The following KMT2C variants were observed in gnomAD, a reference collection of about 807,000 sequenced individuals.
KMT2C encodes lysine methyltransferase 2C.
In KMT2C, 88 loss-of-function variants were observed where a neutral mutation model predicts 507.9. The ratio of observed to expected loss-of-function variants is 0.17; its 90% CI spans 0.15 to 0.21. The LOEUF (loss-of-function observed/expected upper bound fraction) is 0.21. Ranked by LOEUF, KMT2C falls within the 10% of genes least tolerant of loss-of-function variation. KMT2C has a pLI of 1.00. For missense variants in KMT2C, 4,954 were observed against 5,957.8 expected, an observed-to-expected ratio of 0.83 and a Z score of 5.55; for synonymous variants, 2,049 against 2,080.8, an observed-to-expected ratio of 0.98 and a Z score of 0.42.
chr7:152,151,766 TAAAG>T (rs763906367), intron 49 of KMT2C, among the ~76,000 whole-genome samples, 185 bp from the exon 50 acceptor site: 3 of 151,530 alleles, frequency 2.0e-5, no homozygotes, highest in Non-Finnish European at 4.4e-5. Context: ...AGGGCAAAAA[TAAAG>T]AAACATGCCT....
chr7:152,261,009 G>C lies in KMT2C; in HGVS notation c.1299+2007C>G, dbSNP rs550375776. ...CAGGAAGTAAAAGAAGAGAAAAGTAGAAAGGAATTATAAGAACAATTTTGC... is the reference window on the plus strand; with the variant it reads ...CAGGAAGTAAAAGAAGAGAAAAGTACAAAGGAATTATAAGAACAATTTTGC... On this transcript the variant is annotated intron_variant, in intron 9 of 58. Coordinates refer to ENST00000262189, the MANE Select transcript of KMT2C (RefSeq NM_170606.3). 2.6e-5 allele frequency among the ~76,000 whole-genome samples: 4 copies of C among 150,956 alleles called. No individual in the cohort carries two copies. In the South Asian group the frequency reaches 8.4e-4, roughly 32 times the overall value.
At chr7:152,253,104 C>T (rs995556103) in intron 9 of KMT2C, among the ~76,000 whole-genome samples, 1 of 152,118 alleles carries the variant, frequency 6.6e-6, no homozygotes, top group African/African-American at 2.4e-5. Context: ...ATCTGCCTGC[C>T]TCAGCCTCCC....
intron 2 of KMT2C, among the ~76,000 whole-genome samples, chr7:152,335,958 T>C (rs1204717735): frequency 1.3e-5 from 2 of 152,136 alleles, no homozygotes; most frequent in East Asian, 3.9e-4. Context: ...GCACCAGATC[T>C]GATCCCATAA....
intron 1 of KMT2C, among the ~76,000 whole-genome samples, chr7:152,400,588 G>C (rs1296931451): frequency 6.6e-6 from 1 of 152,106 alleles, no homozygotes; most frequent in Non-Finnish European, 1.5e-5. Flanking sequence ...AAACTCTGAG[G>C]GAAAACAATT....
chr7:152,398,799 ACTGTAAAAGG>A (rs1028098419), intron 1 of KMT2C, among the ~76,000 whole-genome samples: 3 of 152,130 alleles, frequency 2.0e-5, no homozygotes, highest in African/African-American at 7.2e-5. Flanking sequence ...TCTTCCACAT[ACTGTAAAAGG>A]CTTAACACAC....
chr7:152,368,658 T>G, intron 1 of KMT2C: 5 of 1,453,056 alleles, frequency 3.4e-6, no homozygotes, highest in Non-Finnish European at 4.8e-6. Context: ...GGAAGATCTT[T>G]TAAACTCTCT....
At chr7:152,275,705 T>C (rs2096068612) in intron 6 of KMT2C, among the ~76,000 whole-genome samples, 1 of 152,162 alleles carries the variant, frequency 6.6e-6, no homozygotes, top group Non-Finnish European at 1.5e-5. Flanking sequence ...CAGAATTAAC[T>C]ACAAATACAA....
chr7:152,363,841 C>T (rs2097215454), intron 1 of KMT2C, among the ~76,000 whole-genome samples: 1 of 152,170 alleles, frequency 6.6e-6, no homozygotes, highest in African/African-American at 2.4e-5. Flanking sequence ...TGTGAAATCC[C>T]AGAAGACTGA....
chr7:152,302,063 G>A (rs376796936), intron 6 of KMT2C, among the ~76,000 whole-genome samples: 1 of 151,704 alleles, frequency 6.6e-6, no homozygotes, highest in Admixed American at 6.6e-5. Flanking sequence ...TATTAAAAAC[G>A]TACAACTCTT....
Position 152,148,318 on chromosome 7 carries a change from TAGC to T in KMT2C, c.13606_13608del (p.Ala4536del). The T allele has an allele frequency of 6.2e-7, 1 of 1,614,278 alleles. No homozygotes were observed. The highest frequency in any genetic ancestry group is 8.5e-7 in the Non-Finnish European group (1 of 1,180,054). On this transcript the variant is annotated inframe_deletion, in exon 52 of 59. Coordinates refer to ENST00000262189, the MANE Select transcript of KMT2C (RefSeq NM_170606.3). This position sits in a 1 kb window ranked among gnomAD's most constrained non-coding sequence, Gnocchi z 7.1. ...TCCCGTTCTCCTCGTTGCACGATGCTAGCAATCTGTCGCACCTCATCACGCTGA... is the reference window on the plus strand; with the variant it reads ...TCCCGTTCTCCTCGTTGCACGATGCTAATCTGTCGCACCTCATCACGCTGA...
chr7:152,281,588 T>C (rs370934713), intron 6 of KMT2C, among the ~76,000 whole-genome samples: 149 of 144,164 alleles, frequency 1.0e-3, no homozygotes, highest in Middle Eastern at 3.5e-3. Flanking sequence ...AAAAATTAGC[T>C]GGGCCTGGTG....
At position 152,156,225 on chromosome 7, in the gene KMT2C, C is replaced by T; in HGVS notation, c.11792G>A (p.Gly3931Glu). ...ATTEELAGKA[G>E]VLVSHEVTKT... Reference sequence around the variant, plus strand: ...CATACCTTCATGGCTCACTAACACTCCGGCTTTTCCAGCAAGTTCTTCAGT... The same window carrying T: ...CATACCTTCATGGCTCACTAACACTTCGGCTTTTCCAGCAAGTTCTTCAGT... Residue 3931 changes from glycine (G) to glutamate (E), a missense_variant, in exon 45 of 59, where the codon GGA (glycine) becomes GAA (glutamate). By Grantham distance (98) the Gly-to-Glu change is moderately conservative (BLOSUM62 -2). Around this residue, in one of 29 missense-constraint regions of KMT2C, gnomAD observed 104 missense variants for 134.3 expected, o/e 0.77. Transcript: ENST00000262189. The T allele has an allele frequency of 6.2e-7, 1 of 1,614,124 alleles. No homozygotes were observed. The highest frequency in any genetic ancestry group is 8.5e-7 in the Non-Finnish European group (1 of 1,180,016).
intron 23 of KMT2C, chr7:152,220,020 A>G (rs1053733321): frequency 6.4e-6 from 1 of 155,720 alleles, no homozygotes; most frequent in African/African-American, 2.4e-5. Flanking sequence ...AAAAAAAAAA[A>G]AAGAATTCAG....
At chr7:152,250,004 A>T (rs975911773) in intron 12 of KMT2C, 51 bp from the exon 13 acceptor site, 3 of 1,064,362 alleles carry the variant, frequency 2.8e-6, no homozygotes, top group Non-Finnish European at 1.5e-6. Context: ...TTTCTGTAAC[A>T]CTGTTCCCTC....
At chr7:152,207,751 C>T (rs2129138924) in intron 23 of KMT2C, among the ~76,000 whole-genome samples, 1 of 152,284 alleles carries the variant, frequency 6.6e-6, no homozygotes, top group African/African-American at 2.4e-5. Context: ...GACTAGAACT[C>T]TCTTCTGAGC....
In KMT2C at chr7:152,191,130, TTAA is replaced by T. The variant is rs761000601; in HGVS notation, c.4660+2876_4660+2878del. ...TATACTCTACTGGCAGTATATTCTC[TTAA>T]TAAATCTCATCCTTCCCACATGTGC... On this transcript the variant is annotated intron_variant, in intron 31 of 58. Transcript: ENST00000262189. Among the ~76,000 whole-genome samples, 7 of 152,350 alleles carry T rather than the reference TTAA, an allele frequency of 4.6e-5. No homozygotes were observed. In the East Asian group the frequency reaches 1.3e-3, roughly 29 times the overall value.
intron 9 of KMT2C, among the ~76,000 whole-genome samples, chr7:152,255,680 C>T (rs971901092): frequency 6.6e-6 from 1 of 152,092 alleles, no homozygotes; most frequent in East Asian, 1.9e-4. Flanking sequence ...ATAGACAGAT[C>T]GATGGAATGG....
At chr7:152,250,608 C>G (rs751263303) in intron 12 of KMT2C, among the ~76,000 whole-genome samples, 1 of 152,122 alleles carries the variant, frequency 6.6e-6, no homozygotes, top group Non-Finnish European at 1.5e-5. Flanking sequence ...ATACGAATTG[C>G]TTTTTAATAG....
At position 152,159,091 on chromosome 7, in the gene KMT2C, G is replaced by T. The variant is rs1266014288; in HGVS notation, c.11461-19C>A. 12 of 1,609,896 alleles carry T rather than the reference G, an allele frequency of 7.5e-6. No homozygotes were observed. The highest frequency in any genetic ancestry group is 9.4e-6 in the Non-Finnish European group (11 of 1,176,388). Reference sequence around the variant, plus strand: ...AAGTTTGCTAATGTAATTGGAAAGGGTAAAAAATAAGTGAACAATTTGCAT... The same window carrying T: ...AAGTTTGCTAATGTAATTGGAAAGGTTAAAAAATAAGTGAACAATTTGCAT... On this transcript the variant is annotated intron_variant, in intron 43 of 58. Coordinates refer to ENST00000262189, the MANE Select transcript of KMT2C (RefSeq NM_170606.3).
Sources: gnomAD v4.1 joint callset for allele counts (sites outside exome capture counted in the v4.1 genomes callset) on GRCh38, gnomAD v4.1.1 for gene constraint, gnomAD v4.1.1 regional missense constraint, Gnocchi (gnomAD v3.1) non-coding constraint, MANE v1.5 for transcripts, NCBI Gene and HGNC (gene_info 2026-07-23, HGNC 2026-07-21) for gene names.